PON3: variants seen among roughly 807,000 people sequenced by gnomAD.
PON3 encodes serum paraoxonase/lactonase 3.
Under a neutral mutation model 36.3 loss-of-function variants are expected in PON3, and 37 were observed. That is an observed-to-expected ratio of 1.02 (90% CI 0.78 to 1.34). The LOEUF is 1.34. PON3 is among the 40% of genes most tolerant of loss of function. The probability of loss-of-function intolerance (pLI) is 0.00; values close to 1 mark genes in which losing one functional copy is unlikely to be tolerated. For synonymous variants in PON3, 155 were observed against 154.8 expected (o/e 1.00, Z -0.01); for missense variants, 415 against 426.5 (o/e 0.97, Z 0.24).
intron 3 of PON3, among the ~76,000 whole-genome samples, chr7:95,386,921 G>A (rs897204329): frequency 2.2e-4 from 33 of 152,080 alleles, no homozygotes; most frequent in South Asian, 4.1e-4. Flanking sequence ...AAAGGCCTTC[G>A]ACAAAATTCA....
At chr7:95,390,616 CTCTCTGCCAAGCATTCCT>C (rs1809297389) in intron 2 of PON3, among the ~76,000 whole-genome samples, 1 of 152,152 alleles carries the variant, frequency 6.6e-6, no homozygotes, top group African/African-American at 2.4e-5. Flanking sequence ...TATTACAGGC[CTCTCTGCCAAGCATTCCT>C]TCTCTTCCAA....
rs961615054 is a variant in PON3, at chr7:95,392,441, T to G, written c.145+2203A>C. On this transcript the variant is annotated intron_variant, in intron 2 of 8. Transcript: ENST00000265627. The stretch of plus-strand genomic sequence containing the variant: ...AGACCCTACCAATCATCTAGTCTAA[T>G]TATACCTCTTGATTATTTGCAGGCT... 1.2e-4 allele frequency among the ~76,000 whole-genome samples: 18 copies of G among 152,240 alleles called. 1 individual carries two copies. The highest frequency in any genetic ancestry group is 1.5e-5 in the Non-Finnish European group (1 of 68,038).
intron 3 of PON3, among the ~76,000 whole-genome samples, chr7:95,387,621 G>GA (rs1288903856): frequency 2.0e-5 from 3 of 152,038 alleles, no homozygotes; most frequent in Non-Finnish European, 4.4e-5. Context: ...CACAGAATTG[G>GA]AAAAAACTAC....
chr7:95,369,790 G>T (rs573874877), intron 4 of PON3, among the ~76,000 whole-genome samples: 28 of 152,080 alleles, frequency 1.8e-4, no homozygotes, highest in African/African-American at 6.3e-4. Context: ...AAAAAAATTA[G>T]TTACCACCGT....
At chr7:95,367,577 G>C (rs1483179137) in intron 4 of PON3, 89 bp from the exon 5 acceptor site, 1 of 1,442,490 alleles carries the variant, frequency 6.9e-7, no homozygotes, top group Non-Finnish European at 9.7e-7. Flanking sequence ...ACTTCCAAAA[G>C]TTTTCTTCTT....
Position 95,363,928 on chromosome 7 carries a change from C to A in PON3, c.630G>T (p.Arg210Ser). ...ATCCTTTGGCCACCACTTTAACCTC[C>A]CTTGGGCTGTAGAAAAGAACATAAG... is the stretch of plus-strand genomic sequence containing the variant. The part of the protein sequence containing the change: ...RWTYVLFYSP[R>S]EVKVVAKGFC... The change falls in exon 6 of 9, where the codon AGG becomes AGT. Residue 210 changes from arginine to serine, a missense_variant. Coordinates refer to ENST00000265627, the MANE Select transcript of PON3 (RefSeq NM_000940.3). The A allele has an allele frequency of 6.2e-7, 1 of 1,613,814 alleles. No homozygotes were observed. The highest frequency in any genetic ancestry group is 8.5e-7 in the Non-Finnish European group (1 of 1,179,788).
At position 95,360,002 on chromosome 7, in the gene PON3, A is replaced by G. The variant is rs1808528744; in HGVS notation, c.1036T>C (p.Phe346Leu). Residue 346 changes from phenylalanine (F) to leucine (L), a missense_variant, in exon 9 of 9, where the codon TTT becomes CTT. Physicochemically the swap from Phe to Leu is conservative, Grantham distance 22. Coordinates refer to ENST00000265627, the MANE Select transcript of PON3 (RefSeq NM_000940.3). ...YHGKILIGTVFHKTLYCEL is the reference protein window; with the variant it reads ...YHGKILIGTVLHKTLYCEL ...AGCTCACAGTACAGAGTTTTGTGAAATACGGTGCCTATGAGAATTTTCCCA... is the reference window on the plus strand; with the variant it reads ...AGCTCACAGTACAGAGTTTTGTGAAGTACGGTGCCTATGAGAATTTTCCCA... The G allele has an allele frequency of 6.2e-7, 1 of 1,613,166 alleles. No individual in the cohort carries two copies. The highest frequency in any genetic ancestry group is 8.5e-7 in the Non-Finnish European group (1 of 1,179,786).
chr7:95,362,607 G>C, intron 7 of PON3, 117 bp from the exon 8 acceptor site: 1 of 1,497,682 alleles, frequency 6.7e-7, no homozygotes, highest in Non-Finnish European at 9.3e-7. Flanking sequence ...GTTTTTAGGG[G>C]GCTTTGCTTC....
intron 3 of PON3, among the ~76,000 whole-genome samples, chr7:95,382,842 A>T (rs1809092889): frequency 6.6e-6 from 1 of 152,218 alleles, no homozygotes; most frequent in African/African-American, 2.4e-5. Context: ...ATCCTCCCTA[A>T]CTCATTTTAT....
At chr7:95,385,444 A>C (rs1809167646) in intron 3 of PON3, among the ~76,000 whole-genome samples, 1 of 152,090 alleles carries the variant, frequency 6.6e-6, no homozygotes, top group South Asian at 2.1e-4. Flanking sequence ...CTGCCAAGAG[A>C]CTTAGACTCC....
At chr7:95,377,405 G>A (rs1403763723) in intron 3 of PON3, 2 of 206,744 alleles carry the variant, frequency 9.7e-6, no homozygotes, top group African/African-American at 4.8e-5. Context: ...TGACAGCTCT[G>A]AAGACAGCAG....
Position 95,372,212 on chromosome 7 carries a change from A to G in PON3, c.328T>C (p.Leu110=). The change falls in exon 4 of 9, where the codon TTA becomes CTA. Residue 110 remains leucine (L), a synonymous_variant. Coordinates refer to ENST00000265627, the MANE Select transcript of PON3 (RefSeq NM_000940.3). The part of the protein sequence containing the change: ...LEISGGFDKE[L]FNPHGISIFI... Reference sequence around the variant, plus strand: ...ATACTGATCCCATGTGGATTAAATAATTCTTTGTCAAATCCACCACTGATT... The same window carrying G: ...ATACTGATCCCATGTGGATTAAATAGTTCTTTGTCAAATCCACCACTGATT... 1 of 1,613,856 alleles carries G rather than the reference A, an allele frequency of 6.2e-7. No homozygotes were observed. The highest frequency in any genetic ancestry group is 8.5e-7 in the Non-Finnish European group (1 of 1,179,824).
At chr7:95,394,987 C>A (rs1213819133) in intron 1 of PON3, among the ~76,000 whole-genome samples, 1 of 152,114 alleles carries the variant, frequency 6.6e-6, no homozygotes, top group Non-Finnish European at 1.5e-5. Flanking sequence ...AAATAAAAGA[C>A]ACTATTTAAT....
Position 95,362,450 on chromosome 7 carries a change from T to A in PON3, c.818A>T (p.Asp273Val), listed in dbSNP as rs778295748. ...TGCCAAAATGTCTCCTGTGGCAGGA[T>A]CGACAGTCAGGTTATCCACTAAGGT... ...LGTLVDNLTV[D>V]PATGDILAGC... The change falls in exon 8 of 9, where the codon GAT becomes GTT. Residue 273 changes from aspartate to valine, a missense_variant. Physicochemically the swap from Asp to Val is radical, Grantham distance 152 (BLOSUM62 -3). Transcript: ENST00000265627. 1.2e-6 allele frequency: 2 copies of A among 1,613,698 alleles called. No homozygotes were observed. The highest frequency in any genetic ancestry group is 1.7e-6 in the Non-Finnish European group (2 of 1,179,756).
In PON3 at chr7:95,372,198, A is replaced by G; in HGVS notation, c.342T>C (p.His114=). ...GGFDKELFNP[H]GISIFIDKDN... ...CTTTGTCGATGAAAATACTGATCCC[A>G]TGTGGATTAAATAATTCTTTGTCAA... Residue 114 remains histidine, a synonymous_variant, in exon 4 of 9, where the codon CAT becomes CAC. Transcript: ENST00000265627. 2 of 1,613,800 alleles carry G rather than the reference A, an allele frequency of 1.2e-6. No individual in the cohort carries two copies. The highest frequency in any genetic ancestry group is 1.7e-6 in the Non-Finnish European group (2 of 1,179,748).
At chr7:95,368,933 TG>T (rs1808754933) in intron 4 of PON3, among the ~76,000 whole-genome samples, 1 of 152,144 alleles carries the variant, frequency 6.6e-6, no homozygotes, top group Non-Finnish European at 1.5e-5. Flanking sequence ...CCATCTCCAA[TG>T]CAGAATCTTA....
Position 95,396,344 on chromosome 7 carries a change from T to TC in PON3, c.6dup (p.Lys3GlufsTer23). ...CCCAGCAGGACCAGCGCCACGAGCT[T>TC]CCCCATGGTCTCGGGGTGCCCAGCG... On this transcript the variant is annotated frameshift_variant, in exon 1 of 9. Transcript: ENST00000265627. LOFTEE classifies it high-confidence loss of function. 6.2e-7 allele frequency: 1 copy of TC among 1,613,272 alleles called. No homozygotes were observed. Among genetic ancestry groups the TC allele is most frequent in the Non-Finnish European group, 8.5e-7 (1 of 1,179,770 alleles).
intron 5 of PON3, among the ~76,000 whole-genome samples, chr7:95,367,101 A>C (rs1432122570): frequency 1.3e-5 from 2 of 152,244 alleles, no homozygotes; most frequent in East Asian, 1.9e-4. Context: ...GAATGGAATT[A>C]GAGCTGGGAA....
chr7:95,362,204 C>A (rs1022589923), intron 8 of PON3, among the ~76,000 whole-genome samples, 158 bp downstream of exon 8: 2 of 152,174 alleles, frequency 1.3e-5, no homozygotes, highest in East Asian at 1.9e-4. Flanking sequence ...AGTTAACGAA[C>A]CTTATCTCCC....
Sources: gnomAD v4.1 joint callset for allele counts (sites outside exome capture counted in the v4.1 genomes callset) on GRCh38, gnomAD v4.1.1 for gene constraint, MANE v1.5 for transcripts, NCBI Gene and HGNC (gene_info 2026-07-23, HGNC 2026-07-21) for gene names.